Variants in SMCHD1 observed in about 807,000 individuals in gnomAD.
SMCHD1 encodes the protein structural maintenance of chromosomes flexible hinge domain containing 1, also known as structural maintenance of chromosomes flexible hinge domain-containing protein 1.
SMCHD1 carries 78 observed loss-of-function variants against 254.7 expected under a neutral mutation model. The observed-to-expected ratio is 0.31, with a 90% CI of 0.26 to 0.37. The LOEUF (loss-of-function observed/expected upper bound fraction) is 0.37, where lower values mean the gene tolerates loss of function less well. SMCHD1 is among the 10% of genes least tolerant of loss of function. The pLI is 1.00. For synonymous variants in SMCHD1, 766 were observed against 794.9 expected (o/e 0.96, Z 0.61); for missense variants, 1,840 against 2,408.1 (o/e 0.76, Z 4.94).
chr18:2,686,268 T>G (rs889382459), intron 5 of SMCHD1, among the ~76,000 whole-genome samples: 2 of 152,182 alleles, frequency 1.3e-5, no homozygotes, highest in Non-Finnish European at 2.9e-5. Context: ...TGAGCACCAA[T>G]GTGACACTTA....
rs1259144629 is a variant in SMCHD1 at position 2,782,764 on chromosome 18, A to ACAAAAAC, written c.5548-1686_5548-1685insCAAAAAC. ...CAACTCAAAAAAAAAAAAAAAAAAA[A>ACAAAAAC]AAAAAAAAGATATTAAATCCTTAGA... On this transcript the variant is annotated intron_variant, in intron 44 of 47. Transcript: ENST00000320876. 2.4e-3 allele frequency among the ~76,000 whole-genome samples: 366 copies of ACAAAAAC among 150,566 alleles called. 3 individuals carry two copies. The highest frequency in any genetic ancestry group is 8.5e-3 in the African/African-American group (347 of 40,764).
At chr18:2,715,267 C>T (rs1343653859) in intron 17 of SMCHD1, among the ~76,000 whole-genome samples, 1 of 152,036 alleles carries the variant, frequency 6.6e-6, no homozygotes, top group Non-Finnish European at 1.5e-5. Context: ...TTACATTGAC[C>T]CATACTTCGA....
intron 30 of SMCHD1, among the ~76,000 whole-genome samples, chr18:2,748,085 A>T (rs1010438212): frequency 1.3e-5 from 2 of 152,172 alleles, no homozygotes; most frequent in African/African-American, 4.8e-5. Context: ...ATGGAGAGCT[A>T]CCAAATCCTG....
At position 2,701,107 on chromosome 18, in the gene SMCHD1, C is replaced by A. The variant is rs755041453; in HGVS notation, c.1647+189C>A. The A allele has an allele frequency of 1.2e-4, 53 of 447,796 alleles. 1 individual carries two copies. Among genetic ancestry groups the A allele is most frequent in the Non-Finnish European group, 1.9e-4 (48 of 255,034 alleles). The allele number at this position is 447,796 out of a possible 1,614,324, so 27.7% of individuals were successfully genotyped here. On this transcript the variant is annotated intron_variant, in intron 12 of 47. Transcript: ENST00000320876. The stretch of plus-strand genomic sequence containing the variant: ...AGCTAATTTTTTAGTAATGACTAAA[C>A]CTACCTAGTAAAGACTAGGTTTGGA...
chr18:2,767,056 A>C (rs1176220925), intron 37 of SMCHD1, among the ~76,000 whole-genome samples: 1 of 152,152 alleles, frequency 6.6e-6, no homozygotes, highest in Non-Finnish European at 1.5e-5. Context: ...CAGGATTTCA[A>C]GACCAGCTTG....
At chr18:2,793,400 A>C (rs4798027) in intron 45 of SMCHD1, among the ~76,000 whole-genome samples, 15,022 of 152,156 alleles carry the variant, frequency 0.099, 1,112 homozygotes, top group East Asian at 0.43. Context: ...GCAGTGGCTC[A>C]TGCCTGTAAT....
At position 2,790,971 on chromosome 18, in the gene SMCHD1, A is replaced by G. The variant is rs568752886; in HGVS notation, c.5720-4978A>G. ...TTGGAAAGGAAATAAAATGGTAACT[A>G]TTTGTAGATTGTGTAACAGTATACC... On this transcript the variant is annotated intron_variant, in intron 45 of 47. Transcript: ENST00000320876. Among the ~76,000 whole-genome samples the G allele has an allele frequency of 9.2e-5, 14 of 152,354 alleles. 1 individual carries two copies. The highest frequency in any genetic ancestry group is 2.9e-4 in the African/African-American group (12 of 41,588).
At chr18:2,739,543 A>C in intron 27 of SMCHD1, 23 bp downstream of exon 27, 1 of 1,567,452 alleles carries the variant, frequency 6.4e-7, no homozygotes, top group Non-Finnish European at 8.7e-7. Flanking sequence ...TGCTTTAAAA[A>C]ACAAACAACA....
intron 5 of SMCHD1, among the ~76,000 whole-genome samples, chr18:2,679,136 G>A (rs377086889): frequency 2.0e-5 from 3 of 147,908 alleles, no homozygotes; most frequent in Non-Finnish European, 3.0e-5. Flanking sequence ...GTGAGCCACC[G>A]CACCCGGCCC....
intron 36 of SMCHD1, among the ~76,000 whole-genome samples, chr18:2,763,251 C>T (rs1373797132): frequency 6.6e-6 from 1 of 152,034 alleles, no homozygotes; most frequent in Non-Finnish European, 1.5e-5. Context: ...CACATATAGG[C>T]CTATTGGTTT....
rs634246 is a variant in SMCHD1, at chr18:2,666,257, G to C, written c.262+25G>C. 78,566 of 1,117,684 alleles carry C rather than the reference G, an allele frequency of 0.07. 10,410 individuals are homozygous for C. The highest frequency in any genetic ancestry group is 0.52 in the African/African-American group (33,930 of 64,694). 69.2% of individuals were successfully genotyped at this position (1,117,684 alleles called of 1,614,324 possible). A position where few individuals can be genotyped will look rare whatever the true frequency, so the allele number is the denominator to read the frequency against. On this transcript the variant is annotated intron_variant, in intron 2 of 47. Transcript: ENST00000320876. ...GGTAGGTAAACAGTGTTACTAAGTT[G>C]ATGCTTTTATATTTAATAAGGTTTA...
chr18:2,666,720 A>T, intron 2 of SMCHD1, 150 bp from the exon 3 acceptor site: 1 of 570,838 alleles, frequency 1.8e-6, no homozygotes, highest in Non-Finnish European at 3.0e-6. Context: ...TAATATCCTT[A>T]ACATGACTTT....
rs148277348 is a variant in SMCHD1 at position 2,688,256 on chromosome 18, A to G, written c.639-138A>G. ...GAGATGCACTGGAGTAGATGTCTTG[A>G]CACTGATTATTTCACCTTTCAGTTA... is the stretch of plus-strand genomic sequence containing the variant. On this transcript the variant is annotated intron_variant, in intron 5 of 47. Coordinates refer to ENST00000320876, the MANE Select transcript of SMCHD1 (RefSeq NM_015295.3). 1.6e-3 allele frequency: 1,009 copies of G among 635,344 alleles called. 4 individuals are homozygous for G. The African/African-American group carries it at 0.016, about 10-fold the overall frequency. 39.4% of individuals were successfully genotyped at this position (635,344 alleles called of 1,614,324 possible). A position where few individuals can be genotyped will look rare whatever the true frequency, so the allele number is the denominator to read the frequency against.
At position 2,777,027 on chromosome 18, in the gene SMCHD1, G is replaced by A. The variant is rs150365882; in HGVS notation, c.5367-779G>A. Among the ~76,000 whole-genome samples, 13 of 151,092 alleles carry A rather than the reference G, an allele frequency of 8.6e-5. No homozygotes were observed. The East Asian group carries it at 1.2e-3, about 14-fold the overall frequency. On this transcript the variant is annotated intron_variant, in intron 42 of 47. Coordinates refer to ENST00000320876, the MANE Select transcript of SMCHD1 (RefSeq NM_015295.3). The stretch of plus-strand genomic sequence containing the variant: ...CAAGTGATCCTCCTCCCTCAACCTC[G>A]CAAGTAACTGGGACTAGAGGCATGC...
intron 8 of SMCHD1, among the ~76,000 whole-genome samples, chr18:2,696,667 T>TA (rs2074292336): frequency 6.6e-6 from 1 of 152,224 alleles, no homozygotes; most frequent in Non-Finnish European, 1.5e-5. Flanking sequence ...ACGTACCTGG[T>TA]AAGTAGAATT....
At chr18:2,800,339 C>G (rs1162291056) in intron 47 of SMCHD1, among the ~76,000 whole-genome samples, 3 of 151,996 alleles carry the variant, frequency 2.0e-5, no homozygotes, top group Non-Finnish European at 4.4e-5. Context: ...TGAAAAGATG[C>G]CACTACAAAG....
intron 5 of SMCHD1, among the ~76,000 whole-genome samples, chr18:2,674,753 G>T (rs2073702113): frequency 6.6e-6 from 1 of 152,180 alleles, no homozygotes; most frequent in African/African-American, 2.4e-5. Context: ...AAGCTATGTT[G>T]CTCTACTTCT....
At chr18:2,677,666 G>C (rs375943640) in intron 5 of SMCHD1, among the ~76,000 whole-genome samples, 1 of 152,216 alleles carries the variant, frequency 6.6e-6, no homozygotes, top group South Asian at 2.1e-4. Context: ...TCGCTCTGTC[G>C]TTCAGGCTGG....
chr18:2,798,818 G>A (rs10432138), intron 47 of SMCHD1, among the ~76,000 whole-genome samples: 44,214 of 152,010 alleles, frequency 0.29, 6,656 homozygotes, highest in East Asian at 0.51. Context: ...TTATTTTTTA[G>A]AGAGACCAGA....
Sources: allele counts gnomAD v4.1 joint callset (sites outside exome capture counted in the v4.1 genomes callset), GRCh38; gene constraint gnomAD v4.1.1; transcripts MANE v1.5; gene names NCBI Gene and HGNC (gene_info 2026-07-23, HGNC 2026-07-21).